The following MRPS27 variants were observed in gnomAD, a reference collection of about 807,000 sequenced individuals.
The protein encoded by MRPS27 is small ribosomal subunit protein mS27.
In MRPS27, 43 loss-of-function variants were observed where a neutral mutation model predicts 48.9. The ratio of observed to expected loss-of-function variants is 0.88; its 90% CI spans 0.69 to 1.13. The LOEUF (loss-of-function observed/expected upper bound fraction) is 1.13. MRPS27 is among the 50% of genes most tolerant of loss of function. The probability of loss-of-function intolerance (pLI) is 0.00; values close to 1 mark genes in which losing one functional copy is unlikely to be tolerated. For missense variants in MRPS27, 467 were observed against 476.3 expected (o/e 0.98, Z 0.18); for synonymous variants, 188 against 171.9 (o/e 1.09, Z -0.73).
intron 10 of MRPS27, 149 bp from the exon 11 acceptor site, chr5:72,221,297 T>G: frequency 1.0e-6 from 1 of 960,714 alleles, no homozygotes; most frequent in Non-Finnish European, 1.5e-6. Flanking sequence ...TGGCCCAGAA[T>G]GAAGTCACCT....
chr5:72,308,206 G>A (rs550502099), intron 2 of MRPS27, among the ~76,000 whole-genome samples: 1 of 152,190 alleles, frequency 6.6e-6, no homozygotes, highest in Non-Finnish European at 1.5e-5. Flanking sequence ...GGCACAATCA[G>A]CCACGAGGAC....
chr5:72,277,449 C>T (rs1749407016), intron 4 of MRPS27, among the ~76,000 whole-genome samples: 1 of 151,778 alleles, frequency 6.6e-6, no homozygotes, highest in Non-Finnish European at 1.5e-5. Flanking sequence ...ACTAAAAATA[C>T]AAAAATTAGC....
chr5:72,234,881 T>C (rs1252390533), intron 5 of MRPS27, among the ~76,000 whole-genome samples: 1 of 152,154 alleles, frequency 6.6e-6, no homozygotes, highest in Non-Finnish European at 1.5e-5. Context: ...TGCATACTCA[T>C]TTTACTACCA....
chr5:72,290,579 C>A (rs1236759684), intron 4 of MRPS27, among the ~76,000 whole-genome samples: 1 of 152,114 alleles, frequency 6.6e-6, no homozygotes, highest in Non-Finnish European at 1.5e-5. Flanking sequence ...TGTGCTCAGC[C>A]AATCTCTATG....
intron 1 of MRPS27, among the ~76,000 whole-genome samples, chr5:72,318,860 G>A (rs1001589798): frequency 6.6e-6 from 1 of 151,108 alleles, no homozygotes; most frequent in Non-Finnish European, 1.5e-5. Context: ...TCTGTGTGTA[G>A]TTGTTCACGG....
At chr5:72,263,339 G>A (rs1749031679) in intron 4 of MRPS27, among the ~76,000 whole-genome samples, 1 of 151,296 alleles carries the variant, frequency 6.6e-6, no homozygotes, top group African/African-American at 2.4e-5. Flanking sequence ...GAAAACATGG[G>A]GTAAATTTTC....
intron 7 of MRPS27, among the ~76,000 whole-genome samples, chr5:72,231,620 G>T (rs1218196376): frequency 1.3e-5 from 2 of 152,142 alleles, no homozygotes; most frequent in Non-Finnish European, 2.9e-5. Context: ...TGAATGTGGG[G>T]TATATCATAA....
Position 72,270,112 on chromosome 5 carries a change from G to C in MRPS27, c.281+25419C>G, listed in dbSNP as rs75602725. On this transcript the variant is annotated intron_variant, in intron 4 of 10. Transcript: ENST00000261413. ...GGAGGCTGAGGCGGGAGAATCTCTT[G>C]AACCCAGGAGGCGGAGGTTACAGTG... 4.6e-5 allele frequency among the ~76,000 whole-genome samples: 7 copies of C among 151,058 alleles called. No individual in the cohort carries two copies. In the East Asian group the frequency reaches 1.4e-3, roughly 29 times the overall value.
chr5:72,275,918 T>C (rs1048568811), intron 4 of MRPS27, among the ~76,000 whole-genome samples: 2 of 150,830 alleles, frequency 1.3e-5, no homozygotes, highest in Non-Finnish European at 2.9e-5. Context: ...TCTTTCCAAA[T>C]AAGGAAAGGA....
rs377548424 is a variant in MRPS27, at chr5:72,264,376, A to G, written c.282-26248T>C. Among the ~76,000 whole-genome samples, 3 of 152,346 alleles carry G rather than the reference A, an allele frequency of 2.0e-5. No individual in the cohort carries two copies. In the South Asian group the frequency reaches 6.2e-4, roughly 32 times the overall value. ...GAGTTGTTCATTTTATGGTTAATTT[A>G]CTGAATTAAAGTGGTTAAATTTATC... On this transcript the variant is annotated intron_variant, in intron 4 of 10. Coordinates refer to ENST00000261413, the MANE Select transcript of MRPS27 (RefSeq NM_015084.3).
chr5:72,294,277 G>C (rs888554636), intron 4 of MRPS27, among the ~76,000 whole-genome samples: 7 of 151,240 alleles, frequency 4.6e-5, no homozygotes, highest in Non-Finnish European at 8.8e-5. Flanking sequence ...TTTAAAAAAT[G>C]CATCTAGAAA....
chr5:72,260,949 C>T (rs1315322352), intron 4 of MRPS27, among the ~76,000 whole-genome samples: 3 of 151,716 alleles, frequency 2.0e-5, no homozygotes, highest in East Asian at 2.0e-4. Flanking sequence ...CTGCAACCTC[C>T]GCCTCCTGAG....
chr5:72,266,906 C>A (rs183289401), intron 4 of MRPS27, among the ~76,000 whole-genome samples: 32 of 152,128 alleles, frequency 2.1e-4, no homozygotes, highest in Non-Finnish European at 5.9e-5. Flanking sequence ...CCACTAGGTT[C>A]ATGAATCTTT....
At chr5:72,233,633 G>A (rs1229774819) in intron 6 of MRPS27, among the ~76,000 whole-genome samples, 1 of 151,922 alleles carries the variant, frequency 6.6e-6, no homozygotes, top group Non-Finnish European at 1.5e-5. Context: ...ACTGAGATAG[G>A]CAGACCAGGT....
chr5:72,262,201 A>AATT (rs1027261039), intron 4 of MRPS27, among the ~76,000 whole-genome samples: 12 of 152,056 alleles, frequency 7.9e-5, no homozygotes, highest in Admixed American at 5.2e-4. Context: ...GCTACTTAAT[A>AATT]TTTTCTGATT....
At chr5:72,291,606 ATAT>A (rs1363574213) in intron 4 of MRPS27, among the ~76,000 whole-genome samples, 1 of 152,264 alleles carries the variant, frequency 6.6e-6, no homozygotes, top group Non-Finnish European at 1.5e-5. Context: ...GATGCTGTTA[ATAT>A]TATAGTCATC....
chr5:72,224,039 G>A (rs561632774), intron 9 of MRPS27, among the ~76,000 whole-genome samples, 189 bp from the exon 10 acceptor site: 12 of 152,252 alleles, frequency 7.9e-5, no homozygotes, highest in Admixed American at 3.9e-4. Context: ...ATCAGATGGC[G>A]TGGAAAACAG....
At chr5:72,264,468 G>C (rs1749060806) in intron 4 of MRPS27, among the ~76,000 whole-genome samples, 1 of 152,118 alleles carries the variant, frequency 6.6e-6, no homozygotes, top group South Asian at 2.1e-4. Flanking sequence ...CAAAAATATA[G>C]GTTGAAGTTC....
chr5:72,302,879 C>A (rs897053669), intron 2 of MRPS27, among the ~76,000 whole-genome samples: 2 of 152,192 alleles, frequency 1.3e-5, no homozygotes, highest in Admixed American at 1.3e-4. Context: ...AAACTTATCA[C>A]TACAATAATG....
Sources: allele counts gnomAD v4.1 joint callset (sites outside exome capture counted in the v4.1 genomes callset), GRCh38; gene constraint gnomAD v4.1.1; transcripts MANE v1.5; gene names NCBI Gene and HGNC (gene_info 2026-07-23, HGNC 2026-07-21).